The following MYBBP1A variants were observed in gnomAD, a reference collection of about 807,000 sequenced individuals.
MYBBP1A encodes the protein MYB binding protein 1a.
Under a neutral mutation model 136.3 loss-of-function variants are expected in MYBBP1A, and 147 were observed. The observed-to-expected ratio is 1.08, with a 90% CI of 0.94 to 1.24. The LOEUF (loss-of-function observed/expected upper bound fraction) is 1.24. Among genes scored for constraint, MYBBP1A ranks in the 50% most tolerant of loss-of-function variants. MYBBP1A has a pLI of 0.00. For synonymous variants in MYBBP1A, 947 were observed against 735.8 expected (o/e 1.29, Z -4.65); for missense variants, 2,060 against 1,727.4 (o/e 1.19, Z -3.41).
At chr17:4,555,066 G>A in intron 1 of MYBBP1A, 61 bp downstream of exon 1, 1 of 1,570,080 alleles carries the variant, frequency 6.4e-7, no homozygotes, top group Non-Finnish European at 8.7e-7. Context: ...AACTCCCTGG[G>A]CCCGCCGCCG....
chr17:4,543,780 C>T (rs924626795), intron 19 of MYBBP1A, among the ~76,000 whole-genome samples: 7 of 152,124 alleles, frequency 4.6e-5, no homozygotes, highest in Non-Finnish European at 8.8e-5. Flanking sequence ...GTCTCTCCCA[C>T]GCCTGCCACC....
rs559158141 is a variant in MYBBP1A, at chr17:4,539,327, G to C, written c.*88C>G. On this transcript the variant is annotated 3_prime_UTR_variant, in exon 26 of 26. Coordinates refer to ENST00000254718, the MANE Select transcript of MYBBP1A (RefSeq NM_014520.4). Reference sequence around the variant, plus strand: ...TGGCAGCGCCTTAGAAACAGCTTGCGTATTAAAATCATGGTTTAAAAAAAA... The same window carrying C: ...TGGCAGCGCCTTAGAAACAGCTTGCCTATTAAAATCATGGTTTAAAAAAAA... 3 of 1,498,096 alleles carry C rather than the reference G, an allele frequency of 2.0e-6. No homozygotes were observed. In the African/African-American group the frequency reaches 4.3e-5, roughly 21 times the overall value. 92.8% of individuals were successfully genotyped at this position (1,498,096 alleles called of 1,614,324 possible).
intron 23 of MYBBP1A, 43 bp from the exon 24 acceptor site, chr17:4,541,607 C>A: frequency 1.3e-6 from 2 of 1,587,784 alleles, no homozygotes; most frequent in South Asian, 1.1e-5. Context: ...GAGAGCTGCT[C>A]AAAGCCTTTC....
chr17:4,542,310 G>GAGACCA (rs1365569230), intron 22 of MYBBP1A, 154 bp downstream of exon 22: 1 of 869,410 alleles, frequency 1.2e-6, no homozygotes, highest in Non-Finnish European at 1.8e-6. Flanking sequence ...ACCCCCTTCA[G>GAGACCA]AGACCATGTA....
At position 4,549,446 on chromosome 17, in the gene MYBBP1A, G is replaced by A. The variant is rs764264147; in HGVS notation, c.1320-4C>T. 6.2e-7 allele frequency: 1 copy of A among 1,611,872 alleles called. No homozygotes were observed. Among genetic ancestry groups the A allele is most frequent in the Non-Finnish European group, 8.5e-7 (1 of 1,179,640 alleles). On this transcript the variant is annotated splice_polypyrimidine_tract_variant and splice_region_variant and intron_variant, in intron 9 of 25. Transcript: ENST00000254718. Reference sequence around the variant, plus strand: ...CCGGAACACAGCTCGCTCAGGCCTAGCGGGGCAGGAGGCGAGGTCATGTGA... The same window carrying A: ...CCGGAACACAGCTCGCTCAGGCCTAACGGGGCAGGAGGCGAGGTCATGTGA...
chr17:4,550,479 A>T (rs1247756091), intron 8 of MYBBP1A, 126 bp from the exon 9 acceptor site: 1 of 1,058,280 alleles, frequency 9.4e-7, no homozygotes, highest in Non-Finnish European at 1.4e-6. Flanking sequence ...GGCGGGCAAC[A>T]GCCCACCAGG....
chr17:4,544,175 G>A (rs1057095959), intron 19 of MYBBP1A, among the ~76,000 whole-genome samples: 5 of 150,844 alleles, frequency 3.3e-5, no homozygotes, highest in Admixed American at 2.0e-4. Flanking sequence ...ACTTGAGACT[G>A]TCAAGGGCAG....
In MYBBP1A at chr17:4,545,753, C is replaced by T. The variant is rs202143470; in HGVS notation, c.1930G>A (p.Glu644Lys). 2.4e-5 allele frequency: 39 copies of T among 1,606,230 alleles called. No homozygotes were observed. Among genetic ancestry groups the T allele is most frequent in the Admixed American group, 1.2e-4 (7 of 59,522 alleles). The change falls in exon 15 of 26, where the codon GAA (glutamate) becomes AAA (lysine). Residue 644 changes from glutamate to lysine, a missense_variant. Coordinates refer to ENST00000254718, the MANE Select transcript of MYBBP1A (RefSeq NM_014520.4). ...ACCAGCACCTCTACCCACGGGGGTT[C>T]CTGGGGGTCTGCAAGAGGGAGGGGT... The part of the protein sequence containing the change: ...RSRTKTIDPQ[E>K]PPWVEVLVEI...
intron 17 of MYBBP1A, 43 bp downstream of exon 17, chr17:4,544,983 C>A (rs746995575): frequency 5.9e-6 from 9 of 1,520,818 alleles, no homozygotes; most frequent in Non-Finnish European, 7.9e-6. Context: ...TGGGGACACC[C>A]GAGCCCTCCC....
rs1421800168 is a variant in MYBBP1A, at chr17:4,542,531, A to T, written c.3020T>A (p.Val1007Glu). The stretch of plus-strand genomic sequence containing the variant: ...GATGGGGAGCAGGCTCTGACAGAGC[A>T]CCTGGTGGGGAGTGACAAGGGCTGT... ...MFLSLFSRHP[V>E]LCQSLLPILV... Residue 1007 changes from valine to glutamate, a missense_variant and splice_region_variant, in exon 22 of 26, where the codon GTG becomes GAG. Val to Glu is a moderately radical substitution (Grantham distance 121). Transcript: ENST00000254718. 3 of 1,612,382 alleles carry T rather than the reference A, an allele frequency of 1.9e-6. No individual in the cohort carries two copies. The highest frequency in any genetic ancestry group is 1.7e-5 in the Admixed American group (1 of 59,904).
chr17:4,552,832 C>T lies in MYBBP1A; in HGVS notation c.562-206G>A, dbSNP rs200848683. Among the ~76,000 whole-genome samples, 545 of 64,124 alleles carry T rather than the reference C, an allele frequency of 8.5e-3. 3 individuals carry two copies. Among genetic ancestry groups the T allele is most frequent in the African/African-American group, 0.022 (513 of 23,754 alleles). The allele number at this position is 64,124 out of a possible 152,430, so 42.1% of individuals were successfully genotyped here. ...CTGGCCCCTGGAGGTACCTGCCCCC[C>T]ACCCCTTATTTTTTTTTTTTAAGAC... is the stretch of plus-strand genomic sequence containing the variant. On this transcript the variant is annotated intron_variant, in intron 5 of 25. Coordinates refer to ENST00000254718, the MANE Select transcript of MYBBP1A (RefSeq NM_014520.4). The surrounding 1 kb of genome is among the most constrained non-coding windows in gnomAD (Gnocchi z 4.7).
chr17:4,553,659 T>C (rs1422785374), intron 5 of MYBBP1A, 151 bp downstream of exon 5: 1 of 627,706 alleles, frequency 1.6e-6, no homozygotes, highest in Non-Finnish European at 2.8e-6. Context: ...CACCTGTTTC[T>C]TTTTACCTTT....
rs1312236352 is a variant in MYBBP1A at position 4,554,872 on chromosome 17, C to A, written c.283G>T (p.Ala95Ser). 1.2e-6 allele frequency: 2 copies of A among 1,613,452 alleles called. No homozygotes were observed. The highest frequency in any genetic ancestry group is 1.3e-5 in the African/African-American group (1 of 74,958). Residue 95 changes from alanine (A) to serine (S), a missense_variant, in exon 2 of 26, where the codon GCC becomes TCC. Ala to Ser is a moderately conservative substitution (Grantham distance 99, BLOSUM62 1). Transcript: ENST00000254718. ...GAGCACCACCTCACCTGTGCCAGGG[C>A]CAAACTGTAGCAGGGCCGGGCTGTT... ...RETARPCYSL[A>S]LAQLLQSFED... is the part of the protein sequence containing the mutation.
Position 4,548,573 on chromosome 17 carries a change from A to G in MYBBP1A, c.1507T>C (p.Phe503Leu), listed in dbSNP as rs200518396. The change falls in exon 11 of 26, where the codon TTC becomes CTC. Residue 503 changes from phenylalanine (F) to leucine (L), a missense_variant. Physicochemically the swap from Phe to Leu is conservative, Grantham distance 22. Coordinates refer to ENST00000254718, the MANE Select transcript of MYBBP1A (RefSeq NM_014520.4). The surrounding 1 kb of genome is among the most constrained non-coding windows in gnomAD (Gnocchi z 4.2). ...TCTCGGGCCTGGTTTTCCAAAGGGA[A>G]GGAGAACGGGTGCTTTGTCTCAGGG... ...QIPETKHPFS[F>L]PLENQAREAV... 5.6e-6 allele frequency: 9 copies of G among 1,614,222 alleles called. No homozygotes were observed. The East Asian group carries it at 2.0e-4, about 36-fold the overall frequency.
rs560478304 is a variant in MYBBP1A, at chr17:4,539,940, G to A, written c.3462C>T (p.Ala1154=). Residue 1154 remains alanine, a synonymous_variant, in exon 26 of 26, where the codon GCC becomes GCT. Transcript: ENST00000254718. ...TCTGGGTGGCACTGGGGATCTCCTT[G>A]GCATCCTTCTTCTCCAACTTGGGGC... The part of the protein sequence containing the change: ...VQRPKLEKKD[A]KEIPSATQSP... 8.8e-6 allele frequency: 14 copies of A among 1,598,952 alleles called. No individual in the cohort carries two copies. Among genetic ancestry groups the A allele is most frequent in the African/African-American group, 2.7e-5 (2 of 74,842 alleles).
At position 4,541,734 on chromosome 17, in the gene MYBBP1A, CG is replaced by C. The variant is rs774177993; in HGVS notation, c.3195+49del. The C allele has an allele frequency of 5.7e-5, 88 of 1,546,390 alleles. 2 individuals carry two copies. In the South Asian group the frequency reaches 9.7e-4, roughly 17 times the overall value. ...ACTTCTTTCCCAGAGATCGGTCTCC[CG>C]GAGAACTGATTCTGAGGGGGTGGGG... is the stretch of plus-strand genomic sequence containing the variant. On this transcript the variant is annotated intron_variant, in intron 23 of 25. Coordinates refer to ENST00000254718, the MANE Select transcript of MYBBP1A (RefSeq NM_014520.4).
At position 4,539,929 on chromosome 17, in the gene MYBBP1A, G is replaced by C. The variant is rs750029699; in HGVS notation, c.3473C>G (p.Pro1158Arg). 1 of 1,599,668 alleles carries C rather than the reference G, an allele frequency of 6.3e-7. No homozygotes were observed. The highest frequency in any genetic ancestry group is 1.7e-5 in the Admixed American group (1 of 60,020). The change falls in exon 26 of 26, where the codon CCC becomes CGC. Residue 1158 changes from proline (P) to arginine (R), a missense_variant. By Grantham distance (103) the Pro-to-Arg change is moderately radical (BLOSUM62 -2). Coordinates refer to ENST00000254718, the MANE Select transcript of MYBBP1A (RefSeq NM_014520.4). ...ACTGATGGGGCTCTGGGTGGCACTGGGGATCTCCTTGGCATCCTTCTTCTC... is the reference window on the plus strand; with the variant it reads ...ACTGATGGGGCTCTGGGTGGCACTGCGGATCTCCTTGGCATCCTTCTTCTC... ...KLEKKDAKEI[P>R]SATQSPISKK...
At chr17:4,546,372 C>T (rs982641557) in intron 13 of MYBBP1A, among the ~76,000 whole-genome samples, 1 of 152,098 alleles carries the variant, frequency 6.6e-6, no homozygotes, top group Admixed American at 6.5e-5. Flanking sequence ...CCCCTTGCCC[C>T]CCTTGGCCTC....
At position 4,540,460 on chromosome 17, in the gene MYBBP1A, G is replaced by T; in HGVS notation, c.3322C>A (p.Leu1108Ile). The T allele has an allele frequency of 1.2e-6, 2 of 1,610,496 alleles. No individual in the cohort carries two copies. The change falls in exon 25 of 26, where the codon CTC becomes ATC. Residue 1108 changes from leucine (L) to isoleucine (I), a missense_variant. Coordinates refer to ENST00000254718, the MANE Select transcript of MYBBP1A (RefSeq NM_014520.4). ...HEKLTLDLTV[L>I]LGVLQGQQQS... ...TGTTGCCCCTGCAGCACACCCAGGAGCACCGTCAGGTCCAAGGTCAGCTTC... is the reference window on the plus strand; with the variant it reads ...TGTTGCCCCTGCAGCACACCCAGGATCACCGTCAGGTCCAAGGTCAGCTTC...
Sources: gnomAD v4.1 joint callset for allele counts (sites outside exome capture counted in the v4.1 genomes callset) on GRCh38, gnomAD v4.1.1 for gene constraint, Gnocchi (gnomAD v3.1) non-coding constraint, MANE v1.5 for transcripts, NCBI Gene and HGNC (gene_info 2026-07-23, HGNC 2026-07-21) for gene names.